PODXL: variants seen among roughly 807,000 people sequenced by gnomAD.
The protein encoded by PODXL is podocalyxin like.
A neutral mutation model predicts 48.9 loss-of-function variants in PODXL; 20 were observed. That is an observed-to-expected ratio of 0.41 (90% CI 0.29 to 0.59). PODXL has a LOEUF of 0.59. PODXL is among the 20% of genes least tolerant of loss of function. PODXL has a pLI of 0.31. For synonymous variants in PODXL, 295 were observed against 287.4 expected, an observed-to-expected ratio of 1.03 and a Z score of -0.27; for missense variants, 606 against 675.1, an observed-to-expected ratio of 0.90 and a Z score of 1.13.
intron 1 of PODXL, among the ~76,000 whole-genome samples, chr7:131,553,996 T>G (rs927249109): frequency 6.6e-6 from 1 of 152,150 alleles, no homozygotes; most frequent in Non-Finnish European, 1.5e-5. Context: ...GCCCATATAT[T>G]GGAAGGTAAG....
At chr7:131,523,038 C>T (rs1439890232) in intron 1 of PODXL, among the ~76,000 whole-genome samples, 1 of 152,188 alleles carries the variant, frequency 6.6e-6, no homozygotes, top group East Asian at 1.9e-4. Context: ...CCCTTGGGTA[C>T]ATACCTAGGA....
At chr7:131,546,421 G>A (rs1165852477) in intron 1 of PODXL, among the ~76,000 whole-genome samples, 1 of 152,136 alleles carries the variant, frequency 6.6e-6, no homozygotes, top group Non-Finnish European at 1.5e-5. Context: ...CGGGGTGCAG[G>A]TGGCTTCAGA....
intron 1 of PODXL, among the ~76,000 whole-genome samples, chr7:131,527,817 T>C (rs978131463): frequency 6.6e-6 from 1 of 151,974 alleles, no homozygotes; most frequent in Non-Finnish European, 1.5e-5. Context: ...TACTGTTTCA[T>C]AGGGTCCTTA....
At chr7:131,546,725 CAAAAAAAA>C (rs10593482) in intron 1 of PODXL, among the ~76,000 whole-genome samples, 2 of 50,118 alleles carry the variant, frequency 4.0e-5, no homozygotes, top group African/African-American at 1.4e-4. Context: ...GGCCCTGTCT[CAAAAAAAA>C]AAAAAAAAAA....
intron 6 of PODXL, 57 bp from the exon 7 acceptor site, chr7:131,506,378 C>A (rs369480212): frequency 1.3e-6 from 2 of 1,574,750 alleles, no homozygotes; most frequent in African/African-American, 2.7e-5. Flanking sequence ...CAGTGGGGGA[C>A]GGGGACTGCG....
At chr7:131,507,755 CCTGA>C (rs1234687022) in intron 5 of PODXL, among the ~76,000 whole-genome samples, 5 of 152,142 alleles carry the variant, frequency 3.3e-5, no homozygotes, top group African/African-American at 1.2e-4. Flanking sequence ...TGGGCGGGCA[CCTGA>C]CTGTCCCCAG....
intron 1 of PODXL, among the ~76,000 whole-genome samples, 168 bp downstream of exon 1, chr7:131,556,092 T>C (rs989091057): frequency 1.3e-5 from 2 of 152,122 alleles, no homozygotes; most frequent in Non-Finnish European, 2.9e-5. Flanking sequence ...CTGCGGAGTT[T>C]GGAGGGGGCG....
At chr7:131,550,771 ACACATACATGCACG>A (rs1798655586) in intron 1 of PODXL, among the ~76,000 whole-genome samples, 1 of 152,078 alleles carries the variant, frequency 6.6e-6, no homozygotes, top group Admixed American at 6.6e-5. Flanking sequence ...GCACATGCAC[ACACATACATGCACG>A]CACACACACA....
intron 1 of PODXL, among the ~76,000 whole-genome samples, chr7:131,536,396 G>A (rs1226182201): frequency 6.6e-6 from 1 of 152,164 alleles, no homozygotes; most frequent in East Asian, 1.9e-4. Context: ...GTGGGCAGAT[G>A]CTGAGGCTTC....
In PODXL at chr7:131,556,115, G is replaced by A. The variant is rs1317892155; in HGVS notation, c.100+145C>T. 3.4e-6 allele frequency: 4 copies of A among 1,162,778 alleles called. No individual in the cohort carries two copies. In the East Asian group the frequency reaches 1.3e-4, roughly 37 times the overall value. The allele number at this position is 1,162,778 out of a possible 1,614,324, so 72.0% of individuals were successfully genotyped here. The stretch of plus-strand genomic sequence containing the variant: ...TTTGGAGGGGGCGTGGATGGTGCAA[G>A]GTCAGGGCTCCGTGTGTGACCCCGG... On this transcript the variant is annotated intron_variant, in intron 1 of 8. Coordinates refer to ENST00000378555, the MANE Select transcript of PODXL (RefSeq NM_001018111.3).
intron 1 of PODXL, among the ~76,000 whole-genome samples, chr7:131,513,594 G>C (rs2116797465): frequency 6.6e-6 from 1 of 152,342 alleles, no homozygotes; most frequent in South Asian, 2.1e-4. Context: ...AGCATAAGCA[G>C]GTGGCAGTGC....
chr7:131,524,370 A>ATG (rs1554385099), intron 1 of PODXL, among the ~76,000 whole-genome samples: 285 of 114,544 alleles, frequency 2.5e-3, no homozygotes, highest in Non-Finnish European at 3.7e-3. Context: ...ACGCACACAC[A>ATG]CACACACACA....
intron 1 of PODXL, among the ~76,000 whole-genome samples, chr7:131,528,128 T>C (rs1331949634): frequency 6.6e-6 from 1 of 152,090 alleles, no homozygotes; most frequent in Non-Finnish European, 1.5e-5. Flanking sequence ...ACTCCTGACC[T>C]CAAGTGATCT....
intron 1 of PODXL, among the ~76,000 whole-genome samples, chr7:131,543,474 C>T (rs1234105496): frequency 6.6e-6 from 1 of 152,098 alleles, no homozygotes. Context: ...CACATTCCTC[C>T]GCATCCCAGA....
chr7:131,510,828 G>A lies in PODXL; in HGVS notation c.706C>T (p.Leu236=), dbSNP rs184433959. 233 of 1,614,112 alleles carry A rather than the reference G, an allele frequency of 1.4e-4. 1 individual carries two copies. The East Asian group carries it at 3.7e-3, about 26-fold the overall frequency. ...FTSPGMTTTL[L]ETVFHHVSQA... is the part of the protein sequence containing the mutation. ...TTGAAGAAAACCAGGCATTACTTACGTAGGGTGGTGGTCATCCCCGGGCTT... is the reference window on the plus strand; with the variant it reads ...TTGAAGAAAACCAGGCATTACTTACATAGGGTGGTGGTCATCCCCGGGCTT... Residue 236 remains leucine (L), a splice_region_variant and synonymous_variant, in exon 2 of 9, where the codon CTA becomes TTA. Transcript: ENST00000378555.
rs187445460 is a variant in PODXL at position 131,547,406 on chromosome 7, G to A, written c.100+8854C>T. Reference sequence around the variant, plus strand: ...AAAAAAAAAAAAAAAAAATCAACACGTGTGGATGCTTTCTGCACATCAGAG... The same window carrying A: ...AAAAAAAAAAAAAAAAAATCAACACATGTGGATGCTTTCTGCACATCAGAG... On this transcript the variant is annotated intron_variant, in intron 1 of 8. Transcript: ENST00000378555. 3.1e-3 allele frequency among the ~76,000 whole-genome samples: 408 copies of A among 132,010 alleles called. 1 individual carries two copies. Among genetic ancestry groups the A allele is most frequent in the Middle Eastern group, 0.013 (3 of 230 alleles). 86.6% of individuals were successfully genotyped at this position (132,010 alleles called of 152,430 possible).
Position 131,511,058 on chromosome 7 carries a change from C to T in PODXL, c.476G>A (p.Gly159Glu). 6.2e-7 allele frequency: 1 copy of T among 1,614,016 alleles called. No individual in the cohort carries two copies. The highest frequency in any genetic ancestry group is 8.5e-7 in the Non-Finnish European group (1 of 1,180,012). Residue 159 changes from glycine to glutamate, a missense_variant, in exon 2 of 9, where the codon GGG becomes GAG. Physicochemically the swap from Gly to Glu is moderately conservative, Grantham distance 98. Coordinates refer to ENST00000378555, the MANE Select transcript of PODXL (RefSeq NM_001018111.3). ...QNGAEDTTNS[G>E]GKSSHSVTTD... is the part of the protein sequence containing the mutation. Reference sequence around the variant, plus strand: ...GGTCACACTGTGGCTGCTTTTCCCCCCAGAGTTTGTTGTATCTTCTGCTCC... The same window carrying T: ...GGTCACACTGTGGCTGCTTTTCCCCTCAGAGTTTGTTGTATCTTCTGCTCC...
intron 1 of PODXL, among the ~76,000 whole-genome samples, chr7:131,555,383 G>A (rs899238145): frequency 6.6e-6 from 1 of 152,208 alleles, no homozygotes; most frequent in Non-Finnish European, 1.5e-5. Context: ...TGCAGCCATC[G>A]CCTGTCCCCC....
chr7:131,524,160 A>T (rs754475241), intron 1 of PODXL, among the ~76,000 whole-genome samples: 29 of 139,652 alleles, frequency 2.1e-4, no homozygotes, highest in Non-Finnish European at 3.7e-4. Flanking sequence ...ACCTTTCAGC[A>T]AACCAGGAAT....
Sources: allele counts gnomAD v4.1 joint callset (sites outside exome capture counted in the v4.1 genomes callset), GRCh38; gene constraint gnomAD v4.1.1; transcripts MANE v1.5; gene names NCBI Gene and HGNC (gene_info 2026-07-23, HGNC 2026-07-21).